EYS: variants seen among roughly 807,000 people sequenced by gnomAD.
EYS encodes the protein protein eyes shut homolog.
In EYS, 250 loss-of-function variants were observed where a neutral mutation model predicts 282.1. The observed-to-expected ratio is 0.89, with a 90% CI of 0.80 to 0.98. The LOEUF (loss-of-function observed/expected upper bound fraction) is 0.98. Ranked by LOEUF, EYS falls within the 50% of genes least tolerant of loss-of-function variation. The pLI is 0.00. For synonymous variants in EYS, 1,355 were observed against 1,282.9 expected, an observed-to-expected ratio of 1.06 and a Z score of -1.20; for missense variants, 4,016 against 3,709.0, an observed-to-expected ratio of 1.08 and a Z score of -2.15.
At chr6:64,738,981 T>C (rs1033018814) in intron 22 of EYS, among the ~76,000 whole-genome samples, 1 of 152,106 alleles carries the variant, frequency 6.6e-6, no homozygotes, top group Non-Finnish European at 1.5e-5. Context: ...CCCCTGACCT[T>C]AGGTGGTCAG....
At chr6:65,417,496 C>T (rs1030585717) in intron 5 of EYS, among the ~76,000 whole-genome samples, 1 of 151,912 alleles carries the variant, frequency 6.6e-6, no homozygotes, top group African/African-American at 2.4e-5. Flanking sequence ...AGATTAAAAC[C>T]CAATATATTC....
chr6:65,273,226 T>C (rs1283242553), intron 12 of EYS, among the ~76,000 whole-genome samples: 1 of 152,168 alleles, frequency 6.6e-6, no homozygotes, highest in Non-Finnish European at 1.5e-5. Flanking sequence ...CTACTTTGAC[T>C]ATACAGTTAC....
intron 29 of EYS, among the ~76,000 whole-genome samples, chr6:64,315,718 G>A (rs1341133105): frequency 1.3e-5 from 2 of 151,324 alleles, no homozygotes; most frequent in South Asian, 2.1e-4. Context: ...CTCATTTTAT[G>A]AGGACAGCAT....
intron 8 of EYS, among the ~76,000 whole-genome samples, chr6:65,364,631 A>T (rs1360609541): frequency 6.6e-6 from 1 of 151,550 alleles, no homozygotes; most frequent in Non-Finnish European, 1.5e-5. Context: ...TCTACCTTTT[A>T]TATCAGGCAT....
In EYS at chr6:64,893,083, T is replaced by G. The variant is rs556778076; in HGVS notation, c.2847-6241A>C. ...TGCAAATTCTATTTAGTTGTAAATT[T>G]TCAGTAGATGGATACTATTGTGAGT... On this transcript the variant is annotated intron_variant, in intron 18 of 42. Coordinates refer to ENST00000503581, the MANE Select transcript of EYS (RefSeq NM_001142800.2). Among the ~76,000 whole-genome samples, 4 of 152,198 alleles carry G rather than the reference T, an allele frequency of 2.6e-5. No homozygotes were observed. In the South Asian group the frequency reaches 8.3e-4, roughly 32 times the overall value.
intron 33 of EYS, 48 bp downstream of exon 33, chr6:64,066,290 C>G: frequency 7.3e-6 from 11 of 1,504,432 alleles, no homozygotes; most frequent in Non-Finnish European, 9.8e-6. Context: ...AACAAACGAA[C>G]AAACAAAATT....
intron 2 of EYS, among the ~76,000 whole-genome samples, chr6:65,537,709 A>G (rs1768013629): frequency 6.6e-6 from 1 of 152,220 alleles, no homozygotes; most frequent in African/African-American, 2.4e-5. Context: ...GATAAAAATT[A>G]TTGCTACCAG....
intron 2 of EYS, among the ~76,000 whole-genome samples, chr6:65,567,914 C>T (rs920167063): frequency 1.3e-5 from 2 of 152,014 alleles, no homozygotes; most frequent in East Asian, 3.9e-4. Context: ...CAAAATATGA[C>T]ATTTTGACAT....
chr6:63,721,454 T>C lies in EYS; in HGVS notation c.8577A>G (p.Gln2859=), dbSNP rs758638457. The C allele has an allele frequency of 1.9e-6, 3 of 1,551,640 alleles. No homozygotes were observed. In the South Asian group the frequency reaches 3.6e-5, roughly 18 times the overall value. The change falls in exon 43 of 43, where the codon CAA becomes CAG. Residue 2859 remains glutamine (Q), a synonymous_variant. Coordinates refer to ENST00000503581, the MANE Select transcript of EYS (RefSeq NM_001142800.2). ...RQVIINNQEL[Q]LTEFGAKGGS... ...CACCTTTTGCTCCAAATTCAGTTAA[T>C]TGTAATTCTTGATTATTTATGATAA...
intron 2 of EYS, among the ~76,000 whole-genome samples, chr6:65,515,891 T>C (rs1420835503): frequency 6.6e-6 from 1 of 151,484 alleles, no homozygotes; most frequent in Non-Finnish European, 1.5e-5. Flanking sequence ...TGTATACATA[T>C]GTAACTAACC....
At chr6:65,199,606 T>C (rs1765851613) in intron 12 of EYS, among the ~76,000 whole-genome samples, 1 of 151,982 alleles carries the variant, frequency 6.6e-6, no homozygotes, top group Non-Finnish European at 1.5e-5. Flanking sequence ...ATTATATAAG[T>C]GATATGTACA....
rs1370508263 is a variant in EYS, at chr6:65,165,537, G to A, written c.2024-107810C>T. Among the ~76,000 whole-genome samples, 4 of 150,908 alleles carry A rather than the reference G, an allele frequency of 2.7e-5. No individual in the cohort carries two copies. In the East Asian group the frequency reaches 7.9e-4, roughly 30 times the overall value. On this transcript the variant is annotated intron_variant, in intron 12 of 42. Transcript: ENST00000503581. ...TTCCATTTCTTCATATGAAAAATTA[G>A]TTGCATTTCTTACTTTTATTCATTA...
intron 31 of EYS, among the ~76,000 whole-genome samples, chr6:64,189,697 GA>G (rs1369873535): frequency 2.7e-5 from 4 of 150,234 alleles, no homozygotes; most frequent in African/African-American, 4.9e-5. Flanking sequence ...AGGTTTTCTG[GA>G]AAAAAAAAAT....
chr6:64,400,148 A>G (rs1773498064), intron 28 of EYS, among the ~76,000 whole-genome samples: 1 of 151,870 alleles, frequency 6.6e-6, no homozygotes, highest in Admixed American at 6.6e-5. Flanking sequence ...GAAAGTTAGG[A>G]TTTTTGTTAT....
intron 35 of EYS, among the ~76,000 whole-genome samples, chr6:63,890,796 T>C (rs1183803871): frequency 6.6e-6 from 1 of 152,110 alleles, no homozygotes; most frequent in Admixed American, 6.5e-5. Flanking sequence ...AAAACATCAA[T>C]GAATCCAGGA....
intron 26 of EYS, among the ~76,000 whole-genome samples, chr6:64,525,672 T>A (rs1777894567): frequency 1.3e-5 from 2 of 151,524 alleles, no homozygotes; most frequent in Admixed American, 1.3e-4. Flanking sequence ...TGAACCTAAA[T>A]TAAAAGCTTA....
At chr6:63,839,647 C>A (rs1001312175) in intron 36 of EYS, among the ~76,000 whole-genome samples, 1 of 152,158 alleles carries the variant, frequency 6.6e-6, no homozygotes, top group African/African-American at 2.4e-5. Flanking sequence ...CAGTGCCCAG[C>A]CTTGGTTATT....
intron 22 of EYS, among the ~76,000 whole-genome samples, chr6:64,792,877 T>TGTGTGTGTGTGTGTGTGTG (rs1562194593): frequency 8.6e-5 from 13 of 152,018 alleles, no homozygotes; most frequent in South Asian, 2.1e-4. Context: ...TGTGTGTGTG[T>TGTGTGTGTGTGTGTGTGTG]TAGATGTAAC....
chr6:63,816,733 T>C (rs1582236547), intron 36 of EYS, among the ~76,000 whole-genome samples: 2 of 152,244 alleles, frequency 1.3e-5, no homozygotes, highest in East Asian at 3.8e-4. Flanking sequence ...TCCTAAGGCA[T>C]GTACATGTAC....
Sources: allele counts gnomAD v4.1 joint callset (sites outside exome capture counted in the v4.1 genomes callset), GRCh38; gene constraint gnomAD v4.1.1; transcripts MANE v1.5; gene names NCBI Gene and HGNC (gene_info 2026-07-23, HGNC 2026-07-21).